Variants in MECOM observed in about 807,000 individuals in gnomAD.
The protein encoded by MECOM is MDS1 and EVI1 complex locus.
MECOM carries 13 observed loss-of-function variants against 116.3 expected under a neutral mutation model. The observed-to-expected ratio is 0.11, with a 90% CI of 0.07 to 0.18. The LOEUF is 0.18. Ranked by LOEUF, MECOM falls within the 10% of genes least tolerant of loss-of-function variation. The probability of loss-of-function intolerance (pLI) is 1.00; values close to 1 mark genes in which losing one functional copy is unlikely to be tolerated. For missense variants in MECOM, 1,299 were observed against 1,509.0 expected (o/e 0.86, Z 2.31); for synonymous variants, 528 against 535.2 (o/e 0.99, Z 0.19).
At chr3:169,295,932 T>A (rs1053390152) in intron 2 of MECOM, among the ~76,000 whole-genome samples, 17 of 152,206 alleles carry the variant, frequency 1.1e-4, no homozygotes, top group African/African-American at 4.1e-4. Flanking sequence ...TGCTTGTTTG[T>A]TTTCCTTTTT....
chr3:169,130,182 G>A (rs1173774687), intron 4 of MECOM, among the ~76,000 whole-genome samples: 3 of 152,090 alleles, frequency 2.0e-5, no homozygotes, highest in Non-Finnish European at 4.4e-5. Flanking sequence ...TAAAACTTTT[G>A]GAGTATTAAC....
intron 1 of MECOM, among the ~76,000 whole-genome samples, chr3:169,650,529 T>C (rs1774762072): frequency 6.6e-6 from 1 of 152,120 alleles, no homozygotes; most frequent in African/African-American, 2.4e-5. Context: ...AAATGGGGCA[T>C]AATATAAGAC....
intron 2 of MECOM, among the ~76,000 whole-genome samples, chr3:169,229,737 C>T (rs1234229883): frequency 1.3e-5 from 2 of 152,130 alleles, no homozygotes; most frequent in Non-Finnish European, 2.9e-5. Context: ...GTGAGATTCT[C>T]TGCACTTCAG....
chr3:169,551,388 T>C (rs184072934), intron 1 of MECOM, among the ~76,000 whole-genome samples: 1 of 147,862 alleles, frequency 6.8e-6, no homozygotes. Context: ...AAAAAAAAAG[T>C]CAACTTGAAA....
rs1018525940 is a variant in MECOM at position 169,405,464 on chromosome 3, G to A, written c.38-23940C>T. 3.9e-5 allele frequency among the ~76,000 whole-genome samples: 6 copies of A among 152,104 alleles called. No individual in the cohort carries two copies. In the South Asian group the frequency reaches 1.0e-3, roughly 26 times the overall value. On this transcript the variant is annotated intron_variant, in intron 1 of 16. Coordinates refer to ENST00000651503, the MANE Select transcript of MECOM (RefSeq NM_004991.4). ...TATTTCAATTGAGTTCAGTGTCCTC[G>A]ACTTACTGAGATGTTTTTTTGCCAT...
chr3:169,422,027 T>C (rs1305295724), intron 1 of MECOM, among the ~76,000 whole-genome samples: 1 of 152,146 alleles, frequency 6.6e-6, no homozygotes, highest in Non-Finnish European at 1.5e-5. Flanking sequence ...ATCATCTATA[T>C]TTCATAAACA....
intron 2 of MECOM, among the ~76,000 whole-genome samples, chr3:169,301,852 G>T (rs1299524192): frequency 6.6e-6 from 1 of 151,846 alleles, no homozygotes; most frequent in Non-Finnish European, 1.5e-5. Context: ...CCAAATACAG[G>T]ATCCTTTTAT....
chr3:169,215,905 T>A (rs1016043638), intron 2 of MECOM, among the ~76,000 whole-genome samples: 1 of 152,242 alleles, frequency 6.6e-6, no homozygotes, highest in African/African-American at 2.4e-5. Context: ...CAGTTTTCGC[T>A]CTTCCAGGCA....
chr3:169,509,050 A>C (rs1014003363), intron 1 of MECOM, among the ~76,000 whole-genome samples: 1 of 152,224 alleles, frequency 6.6e-6, no homozygotes, highest in African/African-American at 2.4e-5. Context: ...AACAATGACT[A>C]AACTCTACAC....
chr3:169,489,394 C>A (rs569993887), intron 1 of MECOM, among the ~76,000 whole-genome samples: 3 of 152,276 alleles, frequency 2.0e-5, no homozygotes, highest in Non-Finnish European at 2.9e-5. Flanking sequence ...GTGTGTGAAA[C>A]TTGACAAGCT....
At chr3:169,418,337 C>T (rs887673431) in intron 1 of MECOM, among the ~76,000 whole-genome samples, 17 of 152,028 alleles carry the variant, frequency 1.1e-4, no homozygotes, top group African/African-American at 3.4e-4. Context: ...GGAGCTGGTA[C>T]GAATCCTTCT....
intron 2 of MECOM, among the ~76,000 whole-genome samples, chr3:169,263,216 C>T (rs1377753433): frequency 6.8e-6 from 1 of 147,052 alleles, no homozygotes; most frequent in African/African-American, 2.5e-5. Flanking sequence ...GCAAGCTCCA[C>T]CTCCCGGGTT....
chr3:169,580,332 G>C (rs1560457082), intron 1 of MECOM, among the ~76,000 whole-genome samples: 1 of 151,974 alleles, frequency 6.6e-6, no homozygotes, highest in African/African-American at 2.4e-5. Flanking sequence ...ACCCGAGCAG[G>C]GTACGCTGTA....
intron 1 of MECOM, among the ~76,000 whole-genome samples, chr3:169,580,156 A>T (rs957602082): frequency 1.3e-5 from 2 of 152,230 alleles, no homozygotes; most frequent in Non-Finnish European, 2.9e-5. Flanking sequence ...TTTGAAGTGC[A>T]GAAATTGACG....
At chr3:169,604,114 A>G (rs1223176241) in intron 1 of MECOM, among the ~76,000 whole-genome samples, 1 of 152,186 alleles carries the variant, frequency 6.6e-6, no homozygotes, top group East Asian at 1.9e-4. Context: ...GAGCAGCTAG[A>G]AAGAGAAAAG....
chr3:169,525,262 T>C (rs758934742), intron 1 of MECOM, among the ~76,000 whole-genome samples: 3 of 152,190 alleles, frequency 2.0e-5, no homozygotes, highest in Non-Finnish European at 4.4e-5. Flanking sequence ...GAGATTATTA[T>C]TGGGTAATGA....
chr3:169,588,864 T>A (rs1291394625), intron 1 of MECOM, among the ~76,000 whole-genome samples: 5 of 152,134 alleles, frequency 3.3e-5, no homozygotes, highest in African/African-American at 4.8e-5. Flanking sequence ...GGTTTTTTTT[T>A]AATTTAAAAG....
intron 11 of MECOM, among the ~76,000 whole-genome samples, chr3:169,101,546 A>C (rs1723545705): frequency 1.4e-5 from 2 of 141,764 alleles, no homozygotes; most frequent in African/African-American, 5.3e-5. Flanking sequence ...AAGATGATTC[A>C]GAAATTATAA....
chr3:169,089,015 T>C lies in MECOM; in HGVS notation c.3570A>G (p.Arg1190=), dbSNP rs146055772. 468 of 1,596,714 alleles carry C rather than the reference T, an allele frequency of 2.9e-4. 1 individual carries two copies. Among genetic ancestry groups the C allele is most frequent in the Non-Finnish European group, 3.5e-4 (410 of 1,173,378 alleles). ...VPEELKQPLH[R]KSKSQAYAMM... ...AAATCTGTACCTGCGATTTGGACTT[T>C]CTGTGTAACGGCTGCTTAAGTTCCT... Residue 1190 remains arginine, a synonymous_variant, in exon 16 of 17, where the codon AGA becomes AGG. Coordinates refer to ENST00000651503, the MANE Select transcript of MECOM (RefSeq NM_004991.4).
Sources: gnomAD v4.1 joint callset for allele counts (sites outside exome capture counted in the v4.1 genomes callset) on GRCh38, gnomAD v4.1.1 for gene constraint, MANE v1.5 for transcripts, NCBI Gene and HGNC (gene_info 2026-07-23, HGNC 2026-07-21) for gene names.